COL4A4: variants seen among roughly 807,000 people sequenced by gnomAD.
COL4A4 encodes collagen alpha-4(IV) chain.
COL4A4 carries 105 observed loss-of-function variants against 192.9 expected under a neutral mutation model. The ratio of observed to expected loss-of-function variants is 0.54; its 90% CI spans 0.46 to 0.64. COL4A4 has a LOEUF of 0.64. Among genes scored for constraint, COL4A4 ranks in the 30% least tolerant of loss-of-function variants. COL4A4 has a pLI of 0.00. For missense variants in COL4A4, 1,967 were observed against 2,169.3 expected (o/e 0.91, Z 1.85); for synonymous variants, 762 against 769.9 (o/e 0.99, Z 0.17).
chr2:227,053,543 C>CTT (rs56724633), intron 31 of COL4A4, among the ~76,000 whole-genome samples: 12 of 102,258 alleles, frequency 1.2e-4, no homozygotes, highest in African/African-American at 1.6e-4. Context: ...TTTTCTTTTT[C>CTT]TTTTTTTTTT....
At chr2:227,164,267 TGCGCAGCCACCTCCCCACC>T (rs780121935), upstream of COL4A4, 643 of 227,042 alleles carry the variant, frequency 2.8e-3, 1 homozygote, top group Non-Finnish European at 4.2e-3. The surrounding 1 kb of genome is among the most constrained non-coding windows in gnomAD (Gnocchi z 4.8). Flanking sequence ...CCCTCCACCC[TGCGCAGCCACCTCCCCACC>T]GCGCAGCCAC....
At chr2:227,028,643 A>ATTT (rs1182054361) in intron 41 of COL4A4, among the ~76,000 whole-genome samples, 2 of 99,314 alleles carry the variant, frequency 2.0e-5, no homozygotes, top group East Asian at 3.2e-4. Flanking sequence ...TATAAAAGAA[A>ATTT]TTTATTATTA....
At chr2:227,055,885 C>A in intron 30 of COL4A4, 60 bp downstream of exon 30, 1 of 1,488,988 alleles carries the variant, frequency 6.7e-7, no homozygotes, top group Non-Finnish European at 9.3e-7. Flanking sequence ...CCAGTCTTCA[C>A]TTGGCAGTGG....
intron 23 of COL4A4, among the ~76,000 whole-genome samples, chr2:227,081,796 T>C (rs1377240593): frequency 6.6e-6 from 1 of 151,622 alleles, no homozygotes; most frequent in Non-Finnish European, 1.5e-5. Context: ...AATGAAAATA[T>C]TATTGACTAA....
At chr2:227,104,577 A>T (rs2060711839) in intron 12 of COL4A4, among the ~76,000 whole-genome samples, 1 of 84,476 alleles carries the variant, frequency 1.2e-5, no homozygotes, top group African/African-American at 4.8e-5. Context: ...GCGAGACTCC[A>T]TCTCAATAAA....
intron 4 of COL4A4, among the ~76,000 whole-genome samples, chr2:227,138,014 G>A (rs7573797): frequency 0.021 from 3,169 of 152,040 alleles, 133 homozygotes; most frequent in African/African-American, 0.072. Flanking sequence ...GCTCAAGACC[G>A]GCTTCACACA....
At chr2:227,040,336 G>A (rs576388124) in intron 37 of COL4A4, among the ~76,000 whole-genome samples, 79 of 152,186 alleles carry the variant, frequency 5.2e-4, no homozygotes, top group South Asian at 1.2e-3. Context: ...GTTCAGATAA[G>A]GACTGCAACC....
chr2:226,986,404 A>G, the COL4A4 span, among the ~76,000 whole-genome samples: 1 of 152,240 alleles, frequency 6.6e-6, no homozygotes, highest in Admixed American at 6.5e-5. Context: ...CATTTAGGGA[A>G]TAGACTTGTC....
intron 26 of COL4A4, among the ~76,000 whole-genome samples, chr2:227,060,890 G>A (rs1284003351): frequency 1.3e-5 from 2 of 152,000 alleles, no homozygotes; most frequent in Admixed American, 6.6e-5. Flanking sequence ...ACCACGCCTG[G>A]CTAATTTTTT....
chr2:226,995,057 TG>T, the COL4A4 span, among the ~76,000 whole-genome samples: 4 of 151,424 alleles, frequency 2.6e-5, no homozygotes, highest in African/African-American at 9.7e-5. Flanking sequence ...GCCTAGTTGG[TG>T]GGGAAGTTAG....
intron 23 of COL4A4, among the ~76,000 whole-genome samples, chr2:227,081,641 C>T (rs1234234631): frequency 6.6e-6 from 1 of 152,182 alleles, no homozygotes; most frequent in Non-Finnish European, 1.5e-5. Flanking sequence ...TTAATAAACT[C>T]CTTTTCATAT....
At chr2:227,059,719 A>G in intron 27 of COL4A4, 96 bp from the exon 28 acceptor site, 1 of 948,030 alleles carries the variant, frequency 1.1e-6, no homozygotes, top group Non-Finnish European at 1.7e-6. Flanking sequence ...TTTTCTTAAA[A>G]ACACAGGGGT....
At chr2:227,002,261 T>C (rs1961181895), downstream of COL4A4, among the ~76,000 whole-genome samples, 1 of 151,888 alleles carries the variant, frequency 6.6e-6, no homozygotes, top group African/African-American at 2.4e-5. Flanking sequence ...AAGAGAAATG[T>C]AATCAATACC....
the COL4A4 span, among the ~76,000 whole-genome samples, chr2:226,970,706 T>G: frequency 6.6e-6 from 1 of 152,246 alleles, no homozygotes; most frequent in Non-Finnish European, 1.5e-5. Context: ...TTTTCCAATG[T>G]ACTTTTTTTA....
chr2:226,990,999 C>T, the COL4A4 span, among the ~76,000 whole-genome samples: 1 of 152,290 alleles, frequency 6.6e-6, no homozygotes, highest in South Asian at 2.1e-4. Flanking sequence ...GTCAGTCACC[C>T]AGAGGCTCCT....
intron 33 of COL4A4, 134 bp from the exon 34 acceptor site, chr2:227,050,265 C>T: frequency 1.3e-6 from 1 of 754,636 alleles, no homozygotes; most frequent in Non-Finnish European, 2.4e-6. Flanking sequence ...AGTTTAAATG[C>T]ATGCAAGCCT....
Position 227,027,941 on chromosome 2 carries a change from G to T in COL4A4, c.4042C>A (p.Pro1348Thr). ...FPGPPGEKGLPGPPGRKGPTG... is the reference protein window; with the variant it reads ...FPGPPGEKGLTGPPGRKGPTG... ...GGCCCTTTTCTCCCTGGAGGTCCAG[G>T]TAAACCCTTCTCTCCAGGTGGCCCA... Residue 1348 changes from proline to threonine, a missense_variant, in exon 42 of 48, where the codon CCT (proline) becomes ACT (threonine). Transcript: ENST00000396625. 6.2e-7 allele frequency: 1 copy of T among 1,613,958 alleles called. No homozygotes were observed. Among genetic ancestry groups the T allele is most frequent in the Non-Finnish European group, 8.5e-7 (1 of 1,179,916 alleles).
At chr2:227,085,937 AG>A in intron 22 of COL4A4, among the ~76,000 whole-genome samples, 1 of 152,344 alleles carries the variant, frequency 6.6e-6, no homozygotes. Context: ...TACCTTATAC[AG>A]TGTGCAAAAC....
the COL4A4 span, among the ~76,000 whole-genome samples, chr2:226,967,719 A>C: frequency 6.6e-6 from 1 of 152,132 alleles, no homozygotes; most frequent in Non-Finnish European, 1.5e-5. Context: ...GGTAATTCTT[A>C]ACTAGAGAAG....
Sources: gnomAD v4.1 joint callset for allele counts (sites outside exome capture counted in the v4.1 genomes callset) on GRCh38, gnomAD v4.1.1 for gene constraint, Gnocchi (gnomAD v3.1) non-coding constraint, MANE v1.5 for transcripts, NCBI Gene and HGNC (gene_info 2026-07-23, HGNC 2026-07-21) for gene names.